The following UNC93A variants were observed in gnomAD, a reference collection of about 807,000 sequenced individuals.
UNC93A encodes the protein N-acetylglucosamine transporter UNC93A.
Under a neutral mutation model 47.5 loss-of-function variants are expected in UNC93A, and 43 were observed. The observed-to-expected ratio is 0.91, with a 90% CI of 0.71 to 1.17. The LOEUF is 1.17. UNC93A is among the 50% of genes most tolerant of loss of function. The pLI is 0.00. For synonymous variants in UNC93A, 280 were observed against 258.0 expected (o/e 1.09, Z -0.82); for missense variants, 605 against 577.6 (o/e 1.05, Z -0.49).
intron 4 of UNC93A, among the ~76,000 whole-genome samples, chr6:167,299,151 C>T (rs181156360): frequency 6.9e-6 from 1 of 145,062 alleles, no homozygotes; most frequent in African/African-American, 2.6e-5. Context: ...CACACACACA[C>T]ATATTTATAT....
chr6:167,278,036 T>C (rs1238117786), intron 1 of UNC93A, among the ~76,000 whole-genome samples: 1 of 152,186 alleles, frequency 6.6e-6, no homozygotes, highest in African/African-American at 2.4e-5. Flanking sequence ...CCCCAGGGAC[T>C]TGAAAACCGG....
At chr6:167,293,947 A>C (rs2058123709) in intron 1 of UNC93A, among the ~76,000 whole-genome samples, 1 of 152,182 alleles carries the variant, frequency 6.6e-6, no homozygotes, top group African/African-American at 2.4e-5. Flanking sequence ...TGTCTCCACC[A>C]GTGGTGGCGG....
At chr6:167,273,697 A>G (rs184095422) in intron 1 of UNC93A, among the ~76,000 whole-genome samples, 2 of 152,272 alleles carry the variant, frequency 1.3e-5, no homozygotes, top group East Asian at 3.9e-4. Context: ...GCATCAATCA[A>G]TACATTTAAG....
At chr6:167,273,269 A>T (rs1783480758) in intron 1 of UNC93A, among the ~76,000 whole-genome samples, 1 of 147,178 alleles carries the variant, frequency 6.8e-6, no homozygotes, top group Non-Finnish European at 1.5e-5. Context: ...GCACCAGAGC[A>T]ATAAGGAAGC....
intron 3 of UNC93A, among the ~76,000 whole-genome samples, chr6:167,296,584 A>G (rs1489046653): frequency 6.6e-6 from 1 of 152,338 alleles, no homozygotes; most frequent in South Asian, 2.1e-4. Flanking sequence ...TCTCAACTGC[A>G]CAACTGTCCT....
intron 1 of UNC93A, among the ~76,000 whole-genome samples, chr6:167,284,094 A>G (rs1783679970): frequency 6.6e-6 from 1 of 152,108 alleles, no homozygotes; most frequent in Non-Finnish European, 1.5e-5. Context: ...CCAGGGCAAA[A>G]TGCTCTCTGG....
At chr6:167,295,678 G>A (rs1400265952) in intron 2 of UNC93A, among the ~76,000 whole-genome samples, 2 of 117,934 alleles carry the variant, frequency 1.7e-5, no homozygotes, top group Admixed American at 1.7e-4. Flanking sequence ...CGCCTGCCTC[G>A]TGCTCCTCGC....
At chr6:167,299,296 C>T (rs1308683210) in intron 4 of UNC93A, among the ~76,000 whole-genome samples, 1 of 151,898 alleles carries the variant, frequency 6.6e-6, no homozygotes, top group Non-Finnish European at 1.5e-5. Flanking sequence ...AGGCCTGGCA[C>T]CTGTGAGCTC....
rs181751355 is a variant in UNC93A at position 167,282,343 on chromosome 6, C to A, written c.-51-9096C>A. On this transcript the variant is annotated intron_variant, in intron 1 of 3. Coordinates refer to the UNC93A transcript ENST00000503433. ...CAGGTAAACAAGAGGTCATCACACA[C>A]CTGATGGGGTCAAGAGAAAGTGTGC... 9.5e-4 allele frequency among the ~76,000 whole-genome samples: 145 copies of A among 152,030 alleles called. 4 individuals are homozygous for A. In the East Asian group the frequency reaches 0.027, roughly 28 times the overall value.
rs566668991 is a variant in UNC93A, at chr6:167,272,375, A to G, written c.-52+917A>G. 5.9e-5 allele frequency among the ~76,000 whole-genome samples: 9 copies of G among 152,298 alleles called. No homozygotes were observed. The South Asian group carries it at 1.7e-3, about 28-fold the overall frequency. On this transcript the variant is annotated intron_variant, in intron 1 of 3. Transcript: ENST00000503433. ...GCACACGTCCAAAGATATGATGAAG[A>G]ATTTCCAGGTGGTGACAGCTGAGCA...
Position 167,298,050 on chromosome 6 carries a change from C to T in UNC93A, c.605C>T (p.Thr202Ile), listed in dbSNP as rs980025462. 1.9e-6 allele frequency: 3 copies of T among 1,613,996 alleles called. No homozygotes were observed. Among genetic ancestry groups the T allele is most frequent in the Non-Finnish European group, 8.5e-7 (1 of 1,180,004 alleles). ...AGGCCCTCCCAGCAGCTGGTCTACA[C>T]CCTCCTGGGCATCTACACTGGTACG... ...TQRPSQQLVY[T>I]LLGIYTGSGV... Residue 202 changes from threonine (T) to isoleucine (I), a missense_variant, in exon 4 of 8, where the codon ACC (threonine) becomes ATC (isoleucine). Coordinates refer to ENST00000230256, the MANE Select transcript of UNC93A (RefSeq NM_018974.4).
chr6:167,277,789 CTCTCTG>C (rs1783568839), intron 1 of UNC93A, among the ~76,000 whole-genome samples: 1 of 151,972 alleles, frequency 6.6e-6, no homozygotes, highest in African/African-American at 2.4e-5. Flanking sequence ...CTTTCTGTCT[CTCTCTG>C]TCTCTGTGTC....
chr6:167,292,040 T>G (rs1423687280), intron 1 of UNC93A, among the ~76,000 whole-genome samples: 2 of 152,196 alleles, frequency 1.3e-5, no homozygotes, highest in Admixed American at 1.3e-4. Context: ...CTCTATACTT[T>G]GAACTCCTTA....
intron 7 of UNC93A, among the ~76,000 whole-genome samples, chr6:167,308,127 A>G (rs972136631): frequency 3.3e-5 from 5 of 152,168 alleles, no homozygotes; most frequent in Admixed American, 1.3e-4. Flanking sequence ...AAACCACCCA[A>G]GGTTCCTTCT....
upstream of UNC93A, among the ~76,000 whole-genome samples, chr6:167,270,333 G>A (rs983597541): frequency 7.2e-5 from 11 of 152,116 alleles, no homozygotes; most frequent in Admixed American, 7.2e-4. Flanking sequence ...CATAATCACC[G>A]ATGCCATCTC....
chr6:167,287,418 C>G (rs1232606688), upstream of UNC93A, among the ~76,000 whole-genome samples: 1 of 152,110 alleles, frequency 6.6e-6, no homozygotes, highest in Non-Finnish European at 1.5e-5. Flanking sequence ...GTTTTGGGAT[C>G]GCACTTCTTC....
At chr6:167,298,431 A>G (rs754143604) in intron 4 of UNC93A, 16 of 161,904 alleles carry the variant, frequency 9.9e-5, no homozygotes, top group Non-Finnish European at 1.9e-4. Context: ...CTACCATTAC[A>G]GACAGCTTGG....
intron 4 of UNC93A, among the ~76,000 whole-genome samples, chr6:167,298,876 G>C (rs1778162826): frequency 6.6e-6 from 1 of 151,736 alleles, no homozygotes; most frequent in East Asian, 1.9e-4. Flanking sequence ...CACTTTGGGA[G>C]GCTGAGGCGG....
Position 167,282,040 on chromosome 6 carries a change from T to TA in UNC93A, c.-51-9393dup, listed in dbSNP as rs565730561. Reference sequence around the variant, plus strand: ...GGAAATACATGTGTGTTGTGAGAGATAAAAAACAAACAGACCAGCAGACTA... The same window carrying TA: ...GGAAATACATGTGTGTTGTGAGAGATAAAAAAACAAACAGACCAGCAGACTA... On this transcript the variant is annotated intron_variant, in intron 1 of 3. Transcript: ENST00000503433. Among the ~76,000 whole-genome samples, 80 of 152,254 alleles carry TA rather than the reference T, an allele frequency of 5.3e-4. 2 individuals are homozygous for TA. Among genetic ancestry groups the TA allele is most frequent in the African/African-American group, 1.8e-3 (76 of 41,542 alleles).
Sources: gnomAD v4.1 joint callset for allele counts (sites outside exome capture counted in the v4.1 genomes callset) on GRCh38, gnomAD v4.1.1 for gene constraint, MANE v1.5 for transcripts, NCBI Gene and HGNC (gene_info 2026-07-23, HGNC 2026-07-21) for gene names.